KYNU: variants seen among roughly 807,000 people sequenced by gnomAD.
KYNU encodes the protein L-kynurenine hydrolase.
A neutral mutation model predicts 59.2 loss-of-function variants in KYNU; 54 were observed. That is an observed-to-expected ratio of 0.91 (90% CI 0.73 to 1.14). The LOEUF (loss-of-function observed/expected upper bound fraction) is 1.14. Among genes scored for constraint, KYNU ranks in the 50% most tolerant of loss-of-function variants. The probability of loss-of-function intolerance (pLI) is 0.00; values close to 1 mark genes in which losing one functional copy is unlikely to be tolerated. For missense variants in KYNU, 567 were observed against 554.4 expected, an observed-to-expected ratio of 1.02 and a Z score of -0.23; for synonymous variants, 177 against 192.0, an observed-to-expected ratio of 0.92 and a Z score of 0.65.
chr2:142,921,074 G>T (rs1682864932), intron 3 of KYNU, among the ~76,000 whole-genome samples: 1 of 152,202 alleles, frequency 6.6e-6, no homozygotes, highest in Admixed American at 6.5e-5. Flanking sequence ...GTTAACAGGA[G>T]AAAAGTTTAT....
rs762774031 is a variant in KYNU at position 142,960,667 on chromosome 2, A to G, written c.626A>G (p.Glu209Gly). The change falls in exon 8 of 14, where the codon GAG becomes GGG. Residue 209 changes from glutamate to glycine, a missense_variant. By Grantham distance (98) the Glu-to-Gly change is moderately conservative. Transcript: ENST00000264170. Reference protein sequence around the residue: ...LRIEDILEVIEKEGDSIAVIL... With the variant: ...LRIEDILEVIGKEGDSIAVIL... Reference sequence around the variant, plus strand: ...ATAGAGGATATCCTTGAAGTAATTGAGAAGGAAGGAGACTCAATTGCAGTG... The same window carrying G: ...ATAGAGGATATCCTTGAAGTAATTGGGAAGGAAGGAGACTCAATTGCAGTG... 3 of 1,613,736 alleles carry G rather than the reference A, an allele frequency of 1.9e-6. No individual in the cohort carries two copies. In the African/African-American group the frequency reaches 4.0e-5, roughly 22 times the overall value.
In KYNU at chr2:142,986,030, C is replaced by A; in HGVS notation, c.902+9C>A. ...CATACGATTAAACCTGCGTGAGTACCATCTTCAGCTAATTCTTTGGTGATG... is the reference window on the plus strand; with the variant it reads ...CATACGATTAAACCTGCGTGAGTACAATCTTCAGCTAATTCTTTGGTGATG... On this transcript the variant is annotated intron_variant, in intron 10 of 13. Transcript: ENST00000264170. The A allele has an allele frequency of 2.5e-6, 4 of 1,595,820 alleles. No individual in the cohort carries two copies. Among genetic ancestry groups the A allele is most frequent in the Non-Finnish European group, 3.4e-6 (4 of 1,164,236 alleles).
chr2:143,042,313 C>T lies in KYNU; in HGVS notation c.*141C>T. 1 of 895,512 alleles carries T rather than the reference C, an allele frequency of 1.1e-6. No individual in the cohort carries two copies. The highest frequency in any genetic ancestry group is 1.7e-5 in the African/African-American group (1 of 59,242). 55.5% of individuals were successfully genotyped at this position (895,512 alleles called of 1,614,324 possible). ...ATAAATAATATACCTTACAGAAAAT[C>T]TGATATAATTTTTCAGAGTCTGTGG... On this transcript the variant is annotated 3_prime_UTR_variant, in exon 14 of 14. Coordinates refer to ENST00000264170, the MANE Select transcript of KYNU (RefSeq NM_003937.3).
chr2:142,974,006 T>C (rs1684815297), intron 8 of KYNU, among the ~76,000 whole-genome samples: 1 of 152,172 alleles, frequency 6.6e-6, no homozygotes, highest in Admixed American at 6.5e-5. Flanking sequence ...CTCCAATTCG[T>C]TTAGCTTTAA....
At chr2:143,025,449 A>T (rs1367880771) in intron 10 of KYNU, among the ~76,000 whole-genome samples, 2 of 152,014 alleles carry the variant, frequency 1.3e-5, no homozygotes, top group African/African-American at 4.8e-5. Flanking sequence ...TTTGCTCACT[A>T]CTTCCATCCC....
intron 4 of KYNU, among the ~76,000 whole-genome samples, chr2:142,942,323 T>A (rs1266834812): frequency 6.6e-6 from 1 of 152,214 alleles, no homozygotes; most frequent in Non-Finnish European, 1.5e-5. Flanking sequence ...TTTGATCAAG[T>A]TTGAAGTAAC....
At position 142,950,140 on chromosome 2, in the gene KYNU, A is replaced by G. The variant is rs149437853; in HGVS notation, c.374-4670A>G. Among the ~76,000 whole-genome samples the G allele has an allele frequency of 5.8e-3, 885 of 152,262 alleles. 4 individuals carry two copies. Among genetic ancestry groups the G allele is most frequent in the Admixed American group, 0.017 (254 of 15,298 alleles). On this transcript the variant is annotated intron_variant, in intron 4 of 13. Coordinates refer to ENST00000264170, the MANE Select transcript of KYNU (RefSeq NM_003937.3). ...CCTCAGCCTGGATTTCATTGTCCAT[A>G]TCATTATCAGCATTTTGGTCAAAGC...
At position 142,977,372 on chromosome 2, in the gene KYNU, G is replaced by GAGTTATATATATATATATATATATATAT. The variant is rs1553484697; in HGVS notation, c.730-7711_730-7710insGTTATATATATATATATATATATATATA. On this transcript the variant is annotated intron_variant, in intron 8 of 13. Transcript: ENST00000264170. ...AGCTTCCTGGATGGAATTTTGTGTG[G>GAGTTATATATATATATATATATATATAT]ATATATATATATATGAATAATCATA... 7.6e-5 allele frequency among the ~76,000 whole-genome samples: 10 copies of GAGTTATATATATATATATATATATATAT among 131,212 alleles called. 1 individual carries two copies. Among genetic ancestry groups the GAGTTATATATATATATATATATATATAT allele is most frequent in the African/African-American group, 2.6e-4 (9 of 34,618 alleles). The allele number at this position is 131,212 out of a possible 152,430, so 86.1% of individuals were successfully genotyped here. A position where few individuals can be genotyped will look rare whatever the true frequency, so the allele number is the denominator to read the frequency against.
At chr2:142,883,605 G>A (rs1681385811) in intron 1 of KYNU, among the ~76,000 whole-genome samples, 1 of 151,966 alleles carries the variant, frequency 6.6e-6, no homozygotes, top group South Asian at 2.1e-4. Flanking sequence ...AACAAGCCAA[G>A]CCCATTTCCA....
chr2:142,913,194 C>T (rs1573782413), intron 2 of KYNU, among the ~76,000 whole-genome samples: 2 of 151,946 alleles, frequency 1.3e-5, no homozygotes, highest in Admixed American at 6.6e-5. Context: ...GAGTTGATTT[C>T]GTTTTCTCCT....
At chr2:143,013,298 C>CTCTCTCTCTGTGTGTGTGTG (rs72349700) in intron 10 of KYNU, among the ~76,000 whole-genome samples, 3 of 149,468 alleles carry the variant, frequency 2.0e-5, no homozygotes, top group African/African-American at 7.4e-5. Context: ...GTCTCTTTCT[C>CTCTCTCTCTGTGTGTGTGTG]TGTGTGTGTG....
At chr2:142,976,882 T>TGG (rs1174628656) in intron 8 of KYNU, among the ~76,000 whole-genome samples, 1 of 152,138 alleles carries the variant, frequency 6.6e-6, no homozygotes, top group Non-Finnish European at 1.5e-5. Context: ...GCTGAAAGCC[T>TGG]GGGGAGGAGA....
rs1422704925 is a variant in KYNU, at chr2:143,040,431, T to G, written c.1045T>G (p.Phe349Val). 1 of 1,610,498 alleles carries G rather than the reference T, an allele frequency of 6.2e-7. No homozygotes were observed. Among genetic ancestry groups the G allele is most frequent in the Admixed American group, 1.7e-5 (1 of 59,844 alleles). ...CTGATTGTTTCTCATTCCACAGATC[T>G]TTAAGCAAGCGACAATGAAGGCATT... ...VCSLHASLEI[F>V]KQATMKALRK... Residue 349 changes from phenylalanine (F) to valine (V), a missense_variant, in exon 13 of 14, where the codon TTT (phenylalanine) becomes GTT (valine). By Grantham distance (50) the Phe-to-Val change is conservative. Coordinates refer to ENST00000264170, the MANE Select transcript of KYNU (RefSeq NM_003937.3).
intron 8 of KYNU, among the ~76,000 whole-genome samples, chr2:142,977,270 T>C (rs575103396): frequency 6.6e-5 from 10 of 151,256 alleles, no homozygotes; most frequent in Admixed American, 2.0e-4. Context: ...TTTTCTACCA[T>C]CTGAATTTTT....
At chr2:143,020,145 A>C (rs749513833) in intron 10 of KYNU, among the ~76,000 whole-genome samples, 1 of 150,942 alleles carries the variant, frequency 6.6e-6, no homozygotes, top group Non-Finnish European at 1.5e-5. Flanking sequence ...TCTTTATTCT[A>C]TCCTTCCTTC....
rs1682899788 is a variant in KYNU, at chr2:142,921,971, A to G, written c.290+3242A>G. ...CCTGCATGTGTTCAGTTGCCTCTAC[A>G]TCCAGGGCCTCCCATTATTGTGGTA... On this transcript the variant is annotated intron_variant, in intron 3 of 13. Transcript: ENST00000264170. Among the ~76,000 whole-genome samples the G allele has an allele frequency of 2.0e-5, 3 of 152,082 alleles. No homozygotes were observed. The South Asian group carries it at 6.2e-4, about 32-fold the overall frequency.
intron 10 of KYNU, among the ~76,000 whole-genome samples, chr2:143,017,099 G>C (rs1209780937): frequency 6.6e-6 from 1 of 152,086 alleles, no homozygotes; most frequent in South Asian, 2.1e-4. Context: ...TATTATGACT[G>C]TATAGTATTC....
At chr2:143,020,757 T>C (rs1442591758) in intron 10 of KYNU, among the ~76,000 whole-genome samples, 1 of 152,234 alleles carries the variant, frequency 6.6e-6, no homozygotes, top group Non-Finnish European at 1.5e-5. Context: ...AGTATAATTA[T>C]ACATAATTTA....
chr2:142,976,364 A>C (rs1395253680), intron 8 of KYNU, among the ~76,000 whole-genome samples: 1 of 152,166 alleles, frequency 6.6e-6, no homozygotes, highest in East Asian at 1.9e-4. Flanking sequence ...GAATCTCCCA[A>C]GTATATTCAT....
Sources: allele counts gnomAD v4.1 joint callset (sites outside exome capture counted in the v4.1 genomes callset), GRCh38; gene constraint gnomAD v4.1.1; transcripts MANE v1.5; gene names NCBI Gene and HGNC (gene_info 2026-07-23, HGNC 2026-07-21).